The following NDE1 variants were observed in gnomAD, a reference collection of about 807,000 sequenced individuals.
The protein encoded by NDE1 is nudE neurodevelopment protein 1.
In NDE1, 28 loss-of-function variants were observed where a neutral mutation model predicts 43.4. The ratio of observed to expected loss-of-function variants is 0.65; its 90% confidence interval spans 0.48 to 0.89. NDE1 has a LOEUF of 0.89. Ranked by LOEUF, NDE1 falls within the 40% of genes least tolerant of loss-of-function variation. NDE1 has a pLI of 0.00. For missense variants in NDE1, 441 were observed against 434.1 expected (o/e 1.02, Z -0.14); for synonymous variants, 184 against 172.0 (o/e 1.07, Z -0.55).
In NDE1 at chr16:15,721,563, C is replaced by T. The variant is rs2040485451; in HGVS notation, c.948-2628C>T. The T allele has an allele frequency of 1.2e-6, 2 of 1,614,104 alleles. No homozygotes were observed. Among genetic ancestry groups the T allele is most frequent in the Non-Finnish European group, 1.7e-6 (2 of 1,180,052 alleles). On this transcript the variant is annotated intron_variant, in intron 8 of 8. Coordinates refer to ENST00000396354, the MANE Select transcript of NDE1 (RefSeq NM_017668.3). ...GGGACAGGGCCTTGGTTTCCTTCTCCCTGGCTTCTGCCTCAGCTCTGTCCC... is the reference window on the plus strand; with the variant it reads ...GGGACAGGGCCTTGGTTTCCTTCTCTCTGGCTTCTGCCTCAGCTCTGTCCC...
intron 5 of NDE1, among the ~76,000 whole-genome samples, chr16:15,688,207 T>G (rs1385531838): frequency 6.6e-6 from 1 of 151,780 alleles, no homozygotes; most frequent in Non-Finnish European, 1.5e-5. Context: ...GGGAGAAATT[T>G]CTGGTGGAAT....
chr16:15,714,634 G>A (rs866583834), intron 8 of NDE1: 1 of 570,294 alleles, frequency 1.8e-6, no homozygotes, highest in South Asian at 2.0e-5. Context: ...AGTGGGGATA[G>A]CCTCTTCCTC....
In NDE1 at chr16:15,721,032, G is replaced by C. The variant is rs748529935; in HGVS notation, c.948-3159G>C. On this transcript the variant is annotated intron_variant, in intron 8 of 8. Transcript: ENST00000396354. The stretch of plus-strand genomic sequence containing the variant: ...CATCTGGGTCTCCAGGGCCCGCTTG[G>C]ACTTCTCCAGCTCATGGACCTGCCG... 2.5e-6 allele frequency: 4 copies of C among 1,613,852 alleles called. No individual in the cohort carries two copies. The highest frequency in any genetic ancestry group is 3.3e-5 in the Admixed American group (2 of 59,984).
chr16:15,677,635 G>T (rs769939177), intron 3 of NDE1, among the ~76,000 whole-genome samples, 166 bp from the exon 4 acceptor site: 19 of 151,460 alleles, frequency 1.3e-4, no homozygotes, highest in Non-Finnish European at 2.1e-4. Flanking sequence ...CCAGGCTGGA[G>T]TGGAGTGTTA....
At chr16:15,665,105 C>T (rs1278665233) in intron 2 of NDE1, among the ~76,000 whole-genome samples, 1 of 151,678 alleles carries the variant, frequency 6.6e-6, no homozygotes, top group East Asian at 1.9e-4. Context: ...GTTGCCCAGG[C>T]TGGTCTTGAA....
intron 8 of NDE1, chr16:15,719,140 A>G: frequency 1.4e-6 from 2 of 1,434,872 alleles, no homozygotes; most frequent in Non-Finnish European, 1.9e-6. Flanking sequence ...AAAAATTTAA[A>G]AAATAAAATG....
intron 8 of NDE1, among the ~76,000 whole-genome samples, chr16:15,721,864 G>T (rs993869088): frequency 3.3e-5 from 5 of 151,984 alleles, no homozygotes; most frequent in Non-Finnish European, 7.4e-5. Context: ...TGGTTTGTGT[G>T]TTTGTTTGTT....
rs1049173836 is a variant in NDE1 at position 15,721,011 on chromosome 16, T to C, written c.948-3180T>C. On this transcript the variant is annotated intron_variant, in intron 8 of 8. Transcript: ENST00000396354. Reference sequence around the variant, plus strand: ...CAGCTGCGTCTTCATCTCCTCCATCTGGGTCTCCAGGGCCCGCTTGGACTT... The same window carrying C: ...CAGCTGCGTCTTCATCTCCTCCATCCGGGTCTCCAGGGCCCGCTTGGACTT... 1.2e-6 allele frequency: 2 copies of C among 1,613,986 alleles called. No homozygotes were observed. The highest frequency in any genetic ancestry group is 1.7e-6 in the Non-Finnish European group (2 of 1,180,034).
intron 6 of NDE1, 103 bp downstream of exon 6, chr16:15,691,426 A>G: frequency 7.5e-7 from 1 of 1,339,084 alleles, no homozygotes; most frequent in Non-Finnish European, 1.0e-6. Flanking sequence ...TCAGGCTCAG[A>G]GCCTGATTTG....
chr16:15,724,063 G>C lies in NDE1; in HGVS notation c.948-128G>C, dbSNP rs527969792. 11 of 1,586,746 alleles carry C rather than the reference G, an allele frequency of 6.9e-6. No individual in the cohort carries two copies. In the Admixed American group the frequency reaches 1.2e-4, roughly 17 times the overall value. ...ATGGCTCCCCACAGAGTGGAGAGGG[G>C]ATGCAGGCACAGGCCAGAGCCACGC... is the stretch of plus-strand genomic sequence containing the variant. On this transcript the variant is annotated intron_variant, in intron 8 of 8. Coordinates refer to ENST00000396354, the MANE Select transcript of NDE1 (RefSeq NM_017668.3).
chr16:15,668,581 T>A (rs2037433900), intron 3 of NDE1, among the ~76,000 whole-genome samples: 1 of 152,088 alleles, frequency 6.6e-6, no homozygotes, highest in Admixed American at 6.6e-5. Context: ...ATTTTTAGGG[T>A]ATGGAGGTGT....
In NDE1 at chr16:15,721,475, G is replaced by A; in HGVS notation, c.948-2716G>A. ...ACCAGGTCTTCCATTTCGGCTTTGA[G>A]CATTTTGTTGGTCCGCTCGAGTTCC... On this transcript the variant is annotated intron_variant, in intron 8 of 8. Coordinates refer to ENST00000396354, the MANE Select transcript of NDE1 (RefSeq NM_017668.3). 6.2e-7 allele frequency: 1 copy of A among 1,614,182 alleles called. No homozygotes were observed. The highest frequency in any genetic ancestry group is 8.5e-7 in the Non-Finnish European group (1 of 1,180,040).
chr16:15,694,184 G>T lies in NDE1; in HGVS notation c.723G>T (p.Gly241=), dbSNP rs570994490. The T allele has an allele frequency of 6.8e-4, 1,096 of 1,612,996 alleles. 20 individuals are homozygous for T. The South Asian group carries it at 0.011, about 16-fold the overall frequency. The change falls in exon 7 of 9, where the codon GGG becomes GGT. Residue 241 remains glycine (G), a synonymous_variant. Transcript: ENST00000396354. ...SFRRGLDDST[G]GTPLTPAARI... ...ACCCAGGCCTGGACGACTCCACCGG[G>T]GGGACCCCCCTCACACCTGCGGCCC... is the stretch of plus-strand genomic sequence containing the variant.
At position 15,694,181 on chromosome 16, in the gene NDE1, C is replaced by T. The variant is rs150492774; in HGVS notation, c.720C>T (p.Thr240=). 90 of 1,612,754 alleles carry T rather than the reference C, an allele frequency of 5.6e-5. 1 individual carries two copies. The highest frequency in any genetic ancestry group is 3.9e-4 in the Middle Eastern group (2 of 5,138). The change falls in exon 7 of 9, where the codon ACC becomes ACT. Residue 240 remains threonine, a synonymous_variant. Transcript: ENST00000396354. ...CACACCCAGGCCTGGACGACTCCAC[C>T]GGGGGGACCCCCCTCACACCTGCGG... ...GSFRRGLDDS[T]GGTPLTPAAR... is the part of the protein sequence containing the mutation.
At chr16:15,658,463 C>G (rs981064200) in intron 1 of NDE1, among the ~76,000 whole-genome samples, 3 of 152,120 alleles carry the variant, frequency 2.0e-5, no homozygotes, top group Non-Finnish European at 1.5e-5. Context: ...ATGAGCTGAT[C>G]ACTAAGGTCG....
intron 1 of NDE1, among the ~76,000 whole-genome samples, chr16:15,664,045 G>T (rs755285839): frequency 1.3e-4 from 20 of 152,008 alleles, no homozygotes; most frequent in Non-Finnish European, 2.8e-4. Context: ...CTCCAGCCTG[G>T]GTGATAGAGC....
intron 1 of NDE1, among the ~76,000 whole-genome samples, chr16:15,654,536 G>A (rs941500794): frequency 2.8e-5 from 4 of 143,242 alleles, no homozygotes; most frequent in East Asian, 2.1e-4. Context: ...GCGAGGCAGA[G>A]GTTGCAGTGA....
intron 8 of NDE1, chr16:15,718,115 G>A (rs1318420961): frequency 7.6e-6 from 6 of 790,668 alleles, no homozygotes; most frequent in African/African-American, 1.7e-5. Context: ...ACACTGCAGC[G>A]TGGAGAGGAG....
intron 8 of NDE1, chr16:15,703,388 A>ACCCATTTCGGTGACTTTCTC (rs1164843925): frequency 4.2e-6 from 1 of 238,348 alleles, no homozygotes; most frequent in Non-Finnish European, 8.3e-6. Flanking sequence ...GGCCGGCGGC[A>ACCCATTTCGGTGACTTTCTC]CCCATTTCGG....
Sources: allele counts gnomAD v4.1 joint callset (sites outside exome capture counted in the v4.1 genomes callset), GRCh38; gene constraint gnomAD v4.1.1; transcripts MANE v1.5; gene names NCBI Gene and HGNC (gene_info 2026-07-23, HGNC 2026-07-21).